The following DPYD variants were observed in gnomAD, a reference collection of about 807,000 sequenced individuals.
DPYD encodes the protein dihydropyrimidine dehydrogenase.
DPYD carries 109 observed loss-of-function variants against 116.2 expected under a neutral mutation model. That is an observed-to-expected ratio of 0.94 (90% confidence interval 0.80 to 1.10). The LOEUF is 1.10. Among genes scored for constraint, DPYD ranks in the 50% least tolerant of loss-of-function variants. The pLI, the probability that DPYD is intolerant of heterozygous loss-of-function variation, is 0.00. For missense variants in DPYD, 1,302 were observed against 1,254.5 expected, an observed-to-expected ratio of 1.04 and a Z score of -0.57; for synonymous variants, 440 against 432.0, an observed-to-expected ratio of 1.02 and a Z score of -0.23.
chr1:97,358,720 T>C (rs1477783047), intron 16 of DPYD, among the ~76,000 whole-genome samples: 1 of 152,086 alleles, frequency 6.6e-6, no homozygotes, highest in Non-Finnish European at 1.5e-5. Flanking sequence ...CTGAGGGACC[T>C]GACTATTAGA....
intron 16 of DPYD, among the ~76,000 whole-genome samples, chr1:97,368,904 T>TAGG (rs1671174998): frequency 6.6e-6 from 1 of 152,230 alleles, no homozygotes; most frequent in Non-Finnish European, 1.5e-5. Flanking sequence ...TATCTTGTCA[T>TAGG]TATTTTAACA....
At chr1:97,827,387 A>G (rs1669294537) in intron 3 of DPYD, among the ~76,000 whole-genome samples, 1 of 152,104 alleles carries the variant, frequency 6.6e-6, no homozygotes, top group South Asian at 2.1e-4. Flanking sequence ...TAAGACTACT[A>G]ACATTTGTTG....
intron 1 of DPYD, among the ~76,000 whole-genome samples, chr1:97,908,625 A>G (rs1673766543): frequency 6.6e-6 from 1 of 151,960 alleles, no homozygotes; most frequent in African/African-American, 2.4e-5. Context: ...CACTGCAGCC[A>G]CCATCACCCT....
chr1:97,822,713 T>C (rs1365696149), intron 3 of DPYD, among the ~76,000 whole-genome samples: 1 of 152,148 alleles, frequency 6.6e-6, no homozygotes, highest in East Asian at 1.9e-4. Context: ...CACCATTCCA[T>C]CTCTAGCCAT....
intron 16 of DPYD, among the ~76,000 whole-genome samples, chr1:97,343,656 G>C (rs554237795): frequency 6.6e-6 from 1 of 152,118 alleles, no homozygotes; most frequent in East Asian, 1.9e-4. Flanking sequence ...TTACCAGCTA[G>C]AGGGTAGAAA....
At chr1:97,762,341 A>G (rs1665618359) in intron 3 of DPYD, among the ~76,000 whole-genome samples, 1 of 152,104 alleles carries the variant, frequency 6.6e-6, no homozygotes, top group Admixed American at 6.6e-5. Flanking sequence ...AATTTTAGAT[A>G]TTATTGTACA....
chr1:97,130,179 G>A (rs1335131851), intron 20 of DPYD, among the ~76,000 whole-genome samples: 1 of 152,130 alleles, frequency 6.6e-6, no homozygotes, highest in East Asian at 1.9e-4. Flanking sequence ...ATTTCTAGGT[G>A]TTCTAAATTT....
chr1:97,518,151 A>C (rs1292610663), intron 12 of DPYD, among the ~76,000 whole-genome samples: 1 of 151,924 alleles, frequency 6.6e-6, no homozygotes, highest in African/African-American at 2.4e-5. Flanking sequence ...AAAACAAAAC[A>C]AAAACCAAAC....
intron 21 of DPYD, among the ~76,000 whole-genome samples, chr1:97,088,842 T>C (rs1009484926): frequency 6.6e-6 from 1 of 152,216 alleles, no homozygotes; most frequent in African/African-American, 2.4e-5. Flanking sequence ...TTCAGTTTGA[T>C]AATTTTCATC....
intron 20 of DPYD, among the ~76,000 whole-genome samples, chr1:97,145,078 A>G (rs934462449): frequency 1.3e-5 from 2 of 152,142 alleles, no homozygotes; most frequent in Admixed American, 6.6e-5. Context: ...TAATAGTGCA[A>G]TTTATCCTTG....
chr1:97,754,883 T>C (rs1045774278), intron 3 of DPYD, among the ~76,000 whole-genome samples: 8 of 152,232 alleles, frequency 5.3e-5, no homozygotes, highest in African/African-American at 1.9e-4. Flanking sequence ...AGCATCATGC[T>C]AAGGACACAA....
At chr1:97,625,597 A>T (rs1451328696) in intron 8 of DPYD, among the ~76,000 whole-genome samples, 1 of 151,970 alleles carries the variant, frequency 6.6e-6, no homozygotes, top group East Asian at 1.9e-4. Flanking sequence ...AGTGGGCCCT[A>T]ATTCAACATG....
At chr1:97,101,739 C>T (rs1230285220) in intron 20 of DPYD, among the ~76,000 whole-genome samples, 2 of 151,958 alleles carry the variant, frequency 1.3e-5, no homozygotes, top group African/African-American at 4.8e-5. Flanking sequence ...TTGTAGCCTG[C>T]GGTAACTCAA....
At chr1:97,244,531 T>A (rs1394068615) in intron 18 of DPYD, among the ~76,000 whole-genome samples, 3 of 152,002 alleles carry the variant, frequency 2.0e-5, no homozygotes, top group Non-Finnish European at 4.4e-5. Flanking sequence ...AATTACTGAA[T>A]TAAGGACATT....
At chr1:97,825,819 T>C (rs1159405816) in intron 3 of DPYD, among the ~76,000 whole-genome samples, 1 of 152,032 alleles carries the variant, frequency 6.6e-6, no homozygotes, top group Non-Finnish European at 1.5e-5. Context: ...AGCCAAGCTA[T>C]GCCAGGCCAA....
intron 5 of DPYD, among the ~76,000 whole-genome samples, chr1:97,703,483 T>G (rs1273713110): frequency 1.3e-5 from 2 of 151,998 alleles, no homozygotes; most frequent in Non-Finnish European, 1.5e-5. Flanking sequence ...TGCCTGCCCA[T>G]ATAGCAAATG....
chr1:97,725,902 T>A (rs896937389), intron 4 of DPYD, among the ~76,000 whole-genome samples: 1 of 151,550 alleles, frequency 6.6e-6, no homozygotes, highest in Non-Finnish European at 1.5e-5. Context: ...TTGACTGTGG[T>A]GATGGTTGAA....
At chr1:97,640,176 G>A (rs959898670) in intron 8 of DPYD, among the ~76,000 whole-genome samples, 3 of 151,942 alleles carry the variant, frequency 2.0e-5, no homozygotes, top group Non-Finnish European at 2.9e-5. Flanking sequence ...CAAATTCTTC[G>A]ATTTGTTTTT....
At chr1:97,451,123 G>T (rs1003480073) in intron 13 of DPYD, among the ~76,000 whole-genome samples, 6 of 151,988 alleles carry the variant, frequency 3.9e-5, no homozygotes, top group Non-Finnish European at 8.8e-5. Flanking sequence ...ACCCCCATTA[G>T]TATATAGCAA....
Sources: gnomAD v4.1 joint callset for allele counts (sites outside exome capture counted in the v4.1 genomes callset) on GRCh38, gnomAD v4.1.1 for gene constraint, MANE v1.5 for transcripts, NCBI Gene and HGNC (gene_info 2026-07-23, HGNC 2026-07-21) for gene names.